The following WWC1 variants were observed in gnomAD, a reference collection of about 807,000 sequenced individuals.
WWC1 encodes the protein protein KIBRA.
Under a neutral mutation model 138.4 loss-of-function variants are expected in WWC1, and 55 were observed. The observed-to-expected ratio is 0.40, with a 90% CI of 0.32 to 0.50. The LOEUF (loss-of-function observed/expected upper bound fraction) is 0.50, where lower values mean the gene tolerates loss of function less well. Ranked by LOEUF, WWC1 falls within the 20% of genes least tolerant of loss-of-function variation. The probability of loss-of-function intolerance (pLI) is 0.72; values close to 1 mark genes in which losing one functional copy is unlikely to be tolerated. For missense variants in WWC1, 1,226 were observed against 1,420.4 expected, an observed-to-expected ratio of 0.86 and a Z score of 2.20; for synonymous variants, 524 against 564.9, an observed-to-expected ratio of 0.93 and a Z score of 1.03.
intron 1 of WWC1, among the ~76,000 whole-genome samples, chr5:168,328,744 C>G (rs1377092524): frequency 6.6e-6 from 1 of 152,104 alleles, no homozygotes. Context: ...ACCATATTGG[C>G]CAGGCTGGTC....
chr5:168,455,888 C>G (rs1248464393), intron 19 of WWC1, among the ~76,000 whole-genome samples: 1 of 152,104 alleles, frequency 6.6e-6, no homozygotes, highest in Admixed American at 6.6e-5. Context: ...TAGTGTACAG[C>G]CTGAGGCTGC....
chr5:168,293,764 C>A (rs572052862), intron 1 of WWC1, among the ~76,000 whole-genome samples: 1 of 152,284 alleles, frequency 6.6e-6, no homozygotes, highest in South Asian at 2.1e-4. Flanking sequence ...CAGCGCCCAA[C>A]TCCCATTTGA....
intron 1 of WWC1, among the ~76,000 whole-genome samples, chr5:168,352,586 ATTT>A (rs554411549): frequency 7.0e-6 from 1 of 142,156 alleles, no homozygotes. Flanking sequence ...TATATATATA[ATTT>A]TTTTTTTTTT....
chr5:168,348,102 G>A (rs747558142), intron 1 of WWC1, among the ~76,000 whole-genome samples: 1 of 152,204 alleles, frequency 6.6e-6, no homozygotes, highest in Non-Finnish European at 1.5e-5. Context: ...CTTTATTCCC[G>A]AGATGGGTGT....
intron 3 of WWC1, among the ~76,000 whole-genome samples, chr5:168,389,235 T>C (rs1003679294): frequency 2.2e-4 from 33 of 151,842 alleles, no homozygotes; most frequent in Admixed American, 2.0e-3. Context: ...GATCACGAGG[T>C]CAGGAGATCG....
intron 1 of WWC1, among the ~76,000 whole-genome samples, chr5:168,353,116 C>T (rs1169913406): frequency 1.3e-5 from 2 of 152,146 alleles, no homozygotes; most frequent in African/African-American, 4.8e-5. Flanking sequence ...TCCTTCTACC[C>T]CACAGATAGC....
chr5:168,304,856 C>T (rs1240067186), intron 1 of WWC1, among the ~76,000 whole-genome samples: 1 of 147,994 alleles, frequency 6.8e-6, no homozygotes, highest in Non-Finnish European at 1.5e-5. Context: ...GAGGTGGAGT[C>T]TCACTCTCAC....
At chr5:168,460,815 C>T (rs1756740419) in intron 20 of WWC1, 73 bp downstream of exon 20, 3 of 1,455,110 alleles carry the variant, frequency 2.1e-6, no homozygotes, top group Admixed American at 3.5e-5. Flanking sequence ...GTCCTGCACA[C>T]ACATCTCCTA....
intron 6 of WWC1, among the ~76,000 whole-genome samples, chr5:168,406,922 A>G (rs1055269645): frequency 3.9e-5 from 6 of 151,986 alleles, no homozygotes; most frequent in African/African-American, 1.5e-4. Flanking sequence ...GGCCTGGGCG[A>G]AACAGTGAGA....
chr5:168,318,528 C>T (rs957562945), intron 1 of WWC1, among the ~76,000 whole-genome samples: 5 of 151,062 alleles, frequency 3.3e-5, no homozygotes, highest in African/African-American at 1.2e-4. Context: ...TAAGTGAAAT[C>T]TTAGAGTATT....
chr5:168,393,366 CAG>C (rs1778649456), intron 3 of WWC1, among the ~76,000 whole-genome samples: 1 of 152,054 alleles, frequency 6.6e-6, no homozygotes, highest in African/African-American at 2.4e-5. Flanking sequence ...TAAAAGCTTT[CAG>C]AGAGAAAAAA....
At chr5:168,454,124 A>G (rs758015608) in intron 18 of WWC1, 24 bp downstream of exon 18, 28 of 1,606,424 alleles carry the variant, frequency 1.7e-5, no homozygotes, top group Non-Finnish European at 2.1e-5. Flanking sequence ...GGGGGATAGA[A>G]GGGCTGTCGT....
intron 1 of WWC1, among the ~76,000 whole-genome samples, chr5:168,329,295 A>G (rs1206434306): frequency 6.6e-6 from 1 of 152,220 alleles, no homozygotes; most frequent in African/African-American, 2.4e-5. Context: ...AAGCCTGGTT[A>G]TGCTGAGCCC....
At chr5:168,438,248 G>A (rs988915962) in intron 15 of WWC1, among the ~76,000 whole-genome samples, 10 of 152,094 alleles carry the variant, frequency 6.6e-5, no homozygotes, top group Non-Finnish European at 1.5e-4. Flanking sequence ...ATGAATTGTA[G>A]CCCCCATAAT....
intron 20 of WWC1, among the ~76,000 whole-genome samples, chr5:168,461,063 T>A (rs899255949): frequency 2.6e-5 from 4 of 152,192 alleles, no homozygotes; most frequent in African/African-American, 7.2e-5. Context: ...GCCCCGTGGC[T>A]CACACCTGTA....
Position 168,428,626 on chromosome 5 carries a change from C to T in WWC1, c.1920-81C>T, listed in dbSNP as rs937353164. 3.1e-5 allele frequency: 44 copies of T among 1,419,778 alleles called. No homozygotes were observed. In the Admixed American group the frequency reaches 7.8e-4, roughly 25 times the overall value. 87.9% of individuals were successfully genotyped at this position (1,419,778 alleles called of 1,614,324 possible). ...AGCTGAGCAAACCCCAACTTTCCTTCCTGGGGATGTAACCTCAGCCTCCCA... is the reference window on the plus strand; with the variant it reads ...AGCTGAGCAAACCCCAACTTTCCTTTCTGGGGATGTAACCTCAGCCTCCCA... On this transcript the variant is annotated intron_variant, in intron 12 of 22. Transcript: ENST00000265293.
intron 5 of WWC1, among the ~76,000 whole-genome samples, chr5:168,404,984 T>G (rs1187978141): frequency 3.9e-5 from 6 of 151,930 alleles, no homozygotes; most frequent in Non-Finnish European, 8.8e-5. Flanking sequence ...AGCGTTTTAA[T>G]CCCTTATGTT....
intron 1 of WWC1, among the ~76,000 whole-genome samples, chr5:168,339,814 C>CTT (rs1773827735): frequency 1.0e-5 from 1 of 96,662 alleles, no homozygotes; most frequent in Admixed American, 1.0e-4. Context: ...GTTTTTCTTT[C>CTT]TTTCTTTCTT....
At chr5:168,315,287 C>T (rs1771481288) in intron 1 of WWC1, among the ~76,000 whole-genome samples, 1 of 152,054 alleles carries the variant, frequency 6.6e-6, no homozygotes, top group Non-Finnish European at 1.5e-5. Context: ...CCTGGGCCGC[C>T]ACCCTAAGCC....
Sources: allele counts gnomAD v4.1 joint callset (sites outside exome capture counted in the v4.1 genomes callset), GRCh38; gene constraint gnomAD v4.1.1; transcripts MANE v1.5; gene names NCBI Gene and HGNC (gene_info 2026-07-23, HGNC 2026-07-21).